CCDC73: variants seen among roughly 807,000 people sequenced by gnomAD.
The protein encoded by CCDC73 is coiled-coil domain containing 73, also known as coiled-coil domain-containing protein 73.
A neutral mutation model predicts 116.5 loss-of-function variants in CCDC73; 95 were observed. That is an observed-to-expected ratio of 0.82 (90% CI 0.69 to 0.97). CCDC73 has a LOEUF of 0.97. Ranked by LOEUF, CCDC73 falls within the 50% of genes least tolerant of loss-of-function variation. CCDC73 has a pLI of 0.00. For synonymous variants in CCDC73, 398 were observed against 401.3 expected (o/e 0.99, Z 0.10); for missense variants, 1,066 against 1,206.8 (o/e 0.88, Z 1.73).
chr11:32,744,185 G>A (rs1358873844), intron 2 of CCDC73, among the ~76,000 whole-genome samples: 1 of 152,214 alleles, frequency 6.6e-6, no homozygotes, highest in Non-Finnish European at 1.5e-5. Context: ...TATGTCATTT[G>A]TTCTGTTTAT....
intron 9 of CCDC73, among the ~76,000 whole-genome samples, chr11:32,660,576 G>C (rs1344549792): frequency 1.3e-5 from 2 of 152,022 alleles, no homozygotes; most frequent in Non-Finnish European, 2.9e-5. Flanking sequence ...TGTAATCCCA[G>C]CACTTTGGGA....
intron 2 of CCDC73, among the ~76,000 whole-genome samples, chr11:32,742,466 G>A (rs1304472053): frequency 1.3e-5 from 2 of 152,214 alleles, no homozygotes; most frequent in Admixed American, 6.5e-5. Context: ...TTTGAGAAGT[G>A]TCTGTTCACA....
chr11:32,664,964 G>A (rs951008014), intron 9 of CCDC73, among the ~76,000 whole-genome samples: 14 of 152,070 alleles, frequency 9.2e-5, no homozygotes, highest in African/African-American at 2.4e-4. Flanking sequence ...GTAGTTGAGC[G>A]GTTTTGAGTG....
the CCDC73 span, among the ~76,000 whole-genome samples, chr11:32,806,448 A>T: frequency 6.6e-6 from 1 of 151,674 alleles, no homozygotes; most frequent in Admixed American, 6.6e-5. Flanking sequence ...ACACGGTGAA[A>T]CCCCATCTCT....
At chr11:32,748,051 C>G (rs1590628075) in intron 2 of CCDC73, among the ~76,000 whole-genome samples, 1 of 152,120 alleles carries the variant, frequency 6.6e-6, no homozygotes, top group East Asian at 1.9e-4. Context: ...AGCTGTAGAC[C>G]GAAGCTGTTC....
At chr11:32,825,631 G>A in the CCDC73 span, among the ~76,000 whole-genome samples, 557 of 152,170 alleles carry the variant, frequency 3.7e-3, 1 homozygote, top group Middle Eastern at 6.8e-3. Flanking sequence ...CTTAAACACC[G>A]TCAATTGCAT....
At position 32,700,042 on chromosome 11, in the gene CCDC73, G is replaced by A. The variant is rs1181331642; in HGVS notation, c.316-717C>T. Among the ~76,000 whole-genome samples, 7 of 151,592 alleles carry A rather than the reference G, an allele frequency of 4.6e-5. No homozygotes were observed. In the South Asian group the frequency reaches 6.2e-4, roughly 14 times the overall value. On this transcript the variant is annotated intron_variant, in intron 5 of 17. Coordinates refer to ENST00000335185, the MANE Select transcript of CCDC73 (RefSeq NM_001008391.4). The stretch of plus-strand genomic sequence containing the variant: ...ATATGGTTACAATTATCATGAAATA[G>A]AATGTCTTATTATAATGACAAATCA...
At chr11:32,785,038 C>T (rs549955071) in intron 1 of CCDC73, among the ~76,000 whole-genome samples, 6 of 151,924 alleles carry the variant, frequency 3.9e-5, no homozygotes, top group African/African-American at 9.7e-5. Context: ...TGGTGGTGGG[C>T]GCCTGTAATC....
intron 15 of CCDC73, 55 bp from the exon 16 acceptor site, chr11:32,614,997 A>C: frequency 9.8e-7 from 1 of 1,023,964 alleles, no homozygotes. Context: ...GGCTGATTTC[A>C]TAAGACATAT....
rs1018499852 is a variant in CCDC73 at position 32,760,343 on chromosome 11, T to G, written c.-15-85A>C. ...TAGTTACCATAAAAATATAACAACC[T>G]GTATCCCATAATCCTCCAATTTCAG... On this transcript the variant is annotated intron_variant, in intron 1 of 17. Transcript: ENST00000335185. The G allele has an allele frequency of 6.6e-6, 5 of 759,574 alleles. No individual in the cohort carries two copies. In the Admixed American group the frequency reaches 1.5e-4, roughly 22 times the overall value. 47.1% of individuals were successfully genotyped at this position (759,574 alleles called of 1,614,324 possible). A position where few individuals can be genotyped will look rare whatever the true frequency, so the allele number is the denominator to read the frequency against.
chr11:32,779,810 G>T (rs1317734075), intron 1 of CCDC73, among the ~76,000 whole-genome samples: 1 of 152,238 alleles, frequency 6.6e-6, no homozygotes. Flanking sequence ...GGAAATGTGA[G>T]GTACTGTTAT....
intron 12 of CCDC73, among the ~76,000 whole-genome samples, chr11:32,643,555 C>A (rs1855751618): frequency 6.6e-6 from 1 of 152,076 alleles, no homozygotes; most frequent in African/African-American, 2.4e-5. Context: ...CATCTTTCTG[C>A]ACTGACTAGT....
the CCDC73 span, among the ~76,000 whole-genome samples, chr11:32,804,659 T>A: frequency 6.6e-6 from 1 of 152,246 alleles, no homozygotes; most frequent in Non-Finnish European, 1.5e-5. Flanking sequence ...GAGCCTTCCA[T>A]ATTCTCTTCC....
chr11:32,672,093 G>A (rs1856044728), intron 9 of CCDC73, among the ~76,000 whole-genome samples: 1 of 152,218 alleles, frequency 6.6e-6, no homozygotes, highest in African/African-American at 2.4e-5. Context: ...ACTCAAACCT[G>A]TAATCCCAGA....
intron 3 of CCDC73, among the ~76,000 whole-genome samples, chr11:32,710,816 C>T (rs1448376732): frequency 2.0e-5 from 3 of 152,102 alleles, no homozygotes; most frequent in East Asian, 3.8e-4. Context: ...GTGTTGCCAT[C>T]TATCTCATGA....
intron 17 of CCDC73, chr11:32,606,210 G>C (rs1855349576): frequency 1.3e-5 from 2 of 152,176 alleles, no homozygotes; most frequent in South Asian, 4.1e-4. Flanking sequence ...TAACAGAATT[G>C]ATGTGGACTG....
the CCDC73 span, among the ~76,000 whole-genome samples, chr11:32,829,094 C>T: frequency 6.6e-6 from 1 of 151,938 alleles, no homozygotes; most frequent in Non-Finnish European, 1.5e-5. Flanking sequence ...GTGAGACCCC[C>T]TACTCTGAAA....
At chr11:32,724,502 G>T (rs1850014752) in intron 2 of CCDC73, among the ~76,000 whole-genome samples, 1 of 152,160 alleles carries the variant, frequency 6.6e-6, no homozygotes, top group South Asian at 2.1e-4. Context: ...AAGATTTGTG[G>T]TAGAGATCTT....
chr11:32,735,641 C>G (rs1158062789), intron 2 of CCDC73, among the ~76,000 whole-genome samples: 2 of 152,170 alleles, frequency 1.3e-5, no homozygotes, highest in Non-Finnish European at 2.9e-5. Flanking sequence ...ACTTTCTTCA[C>G]AGAATTGGAA....
Sources: gnomAD v4.1 joint callset for allele counts (sites outside exome capture counted in the v4.1 genomes callset) on GRCh38, gnomAD v4.1.1 for gene constraint, MANE v1.5 for transcripts, NCBI Gene and HGNC (gene_info 2026-07-23, HGNC 2026-07-21) for gene names.